Variants in APPBP2 observed in about 807,000 individuals in gnomAD.
APPBP2 encodes amyloid protein-binding protein 2.
Under a neutral mutation model 76.0 loss-of-function variants are expected in APPBP2, and 15 were observed. The observed-to-expected ratio is 0.20, with a 90% CI of 0.13 to 0.30. APPBP2 has a LOEUF of 0.30. Ranked by LOEUF, APPBP2 falls within the 10% of genes least tolerant of loss-of-function variation. The probability of loss-of-function intolerance (pLI) is 1.00; values close to 1 mark genes in which losing one functional copy is unlikely to be tolerated. For missense variants in APPBP2, 401 were observed against 687.2 expected, an observed-to-expected ratio of 0.58 and a Z score of 4.66; for synonymous variants, 222 against 242.2, an observed-to-expected ratio of 0.92 and a Z score of 0.77.
intron 4 of APPBP2, among the ~76,000 whole-genome samples, chr17:60,474,339 T>A (rs1183884499): frequency 6.6e-6 from 1 of 151,784 alleles, no homozygotes; most frequent in African/African-American, 2.4e-5. Context: ...GCCCAGTTAA[T>A]TTTTTTGTAT....
intron 3 of APPBP2, among the ~76,000 whole-genome samples, chr17:60,483,682 C>T (rs1044195861): frequency 1.1e-4 from 16 of 152,298 alleles, no homozygotes; most frequent in African/African-American, 3.1e-4. Context: ...CGTGAGCCAC[C>T]GCACCTAGCC....
chr17:60,473,184 G>C (rs990637944), intron 4 of APPBP2, among the ~76,000 whole-genome samples: 4 of 151,986 alleles, frequency 2.6e-5, no homozygotes, highest in Non-Finnish European at 5.9e-5. Flanking sequence ...TATCTAGCTT[G>C]GTCAAGTTTC....
At chr17:60,474,870 C>T (rs1275323232) in intron 4 of APPBP2, among the ~76,000 whole-genome samples, 3 of 152,010 alleles carry the variant, frequency 2.0e-5, no homozygotes, top group Non-Finnish European at 2.9e-5. Flanking sequence ...ATACTGTCTT[C>T]CCCTACCTTG....
In APPBP2 at chr17:60,449,549, C is replaced by T. The variant is rs992289898; in HGVS notation, c.1505-1715G>A. 5.9e-5 allele frequency among the ~76,000 whole-genome samples: 9 copies of T among 152,050 alleles called. No individual in the cohort carries two copies. The East Asian group carries it at 9.7e-4, about 16-fold the overall frequency. On this transcript the variant is annotated intron_variant, in intron 12 of 12. Transcript: ENST00000083182. ...AGGTGGAGGCTGCAGTGAGCTAAGA[C>T]CACGCCACTGCATACCAGCCTGGAC...
chr17:60,473,747 C>T (rs2090569820), intron 4 of APPBP2, among the ~76,000 whole-genome samples: 1 of 152,216 alleles, frequency 6.6e-6, no homozygotes, highest in Non-Finnish European at 1.5e-5. Flanking sequence ...CGCTTTTCCT[C>T]CTCACAATTT....
chr17:60,462,593 A>G (rs2090483191), intron 6 of APPBP2: 1 of 152,284 alleles, frequency 6.6e-6, no homozygotes, highest in Admixed American at 6.5e-5. Flanking sequence ...CTCAGTTGTT[A>G]TTTTGATCCA....
chr17:60,465,602 C>T (rs1051278266), intron 5 of APPBP2, among the ~76,000 whole-genome samples: 9 of 152,044 alleles, frequency 5.9e-5, no homozygotes, highest in African/African-American at 2.2e-4. Flanking sequence ...GGCATGGTGG[C>T]TCATGCCTGT....
intron 2 of APPBP2, among the ~76,000 whole-genome samples, chr17:60,497,994 C>A (rs940357718): frequency 6.6e-6 from 1 of 151,872 alleles, no homozygotes; most frequent in Non-Finnish European, 1.5e-5. Context: ...CAAAAAATTA[C>A]CCAGGCGTGG....
chr17:60,512,053 C>A (rs1188173987), intron 1 of APPBP2, among the ~76,000 whole-genome samples: 1 of 151,750 alleles, frequency 6.6e-6, no homozygotes, highest in African/African-American at 2.4e-5. Context: ...TTATTGAAGA[C>A]TTTTGGGTGT....
intron 1 of APPBP2, among the ~76,000 whole-genome samples, chr17:60,517,821 C>T (rs2090975150): frequency 1.3e-5 from 2 of 152,144 alleles, no homozygotes; most frequent in Admixed American, 1.3e-4. Context: ...CTTTCTTCAT[C>T]GTCATGATTA....
chr17:60,460,402 C>A, intron 9 of APPBP2: 1 of 214,524 alleles, frequency 4.7e-6, no homozygotes. Context: ...GTCTCAAACT[C>A]TTGGGCTCAA....
intron 4 of APPBP2, among the ~76,000 whole-genome samples, chr17:60,475,611 G>A (rs1451498995): frequency 6.7e-6 from 1 of 149,226 alleles, no homozygotes. Flanking sequence ...AAATTCAGCT[G>A]CCCAGGGTTC....
In APPBP2 at chr17:60,500,480, T is replaced by A; in HGVS notation, c.146A>T (p.Gln49Leu). 1 of 1,596,002 alleles carries A rather than the reference T, an allele frequency of 6.3e-7. No individual in the cohort carries two copies. Among genetic ancestry groups the A allele is most frequent in the Non-Finnish European group, 8.5e-7 (1 of 1,175,124 alleles). ...GCCCAGTTGACATAAGCGTCCCTGT[T>A]GGTAAAGCTGAAATAAAAAACAAAT... Reference protein sequence around the residue: ...IQFDVYYKLYQQGRLCQLGSE... With the variant: ...IQFDVYYKLYLQGRLCQLGSE... Residue 49 changes from glutamine (Q) to leucine (L), a missense_variant, in exon 2 of 13, where the codon CAA becomes CTA. By Grantham distance (113) the Gln-to-Leu change is moderately radical. Transcript: ENST00000083182.
chr17:60,483,133 G>C (rs2090644499), intron 3 of APPBP2, among the ~76,000 whole-genome samples: 1 of 152,152 alleles, frequency 6.6e-6, no homozygotes, highest in Admixed American at 6.5e-5. Flanking sequence ...ACTGGTGTGA[G>C]ATGGTATCTC....
intron 12 of APPBP2, among the ~76,000 whole-genome samples, 190 bp downstream of exon 12, chr17:60,451,690 G>C (rs918611000): frequency 1.3e-5 from 2 of 152,040 alleles, no homozygotes; most frequent in Admixed American, 1.3e-4. Flanking sequence ...TGTTGGCCAG[G>C]CTGGTCTCGA....
At position 60,494,505 on chromosome 17, in the gene APPBP2, C is replaced by A. The variant is rs200984674; in HGVS notation, c.340G>T (p.Ala114Ser). 3.3e-5 allele frequency: 53 copies of A among 1,610,684 alleles called. No individual in the cohort carries two copies. Among genetic ancestry groups the A allele is most frequent in the Non-Finnish European group, 3.7e-5 (44 of 1,179,422 alleles). ...RCSYIAESDA[A>S]VKEKAIQVGF... is the part of the protein sequence containing the mutation. ...ACCTGAATGGCTTTTTCCTTTACTGCAGCATCTGATTCTGCTATATAAGAG... is the reference window on the plus strand; with the variant it reads ...ACCTGAATGGCTTTTTCCTTTACTGAAGCATCTGATTCTGCTATATAAGAG... Residue 114 changes from alanine (A) to serine (S), a missense_variant, in exon 3 of 13, where the codon GCA becomes TCA. This residue lies in a region of APPBP2 where 149 missense variants were observed against 198.4 expected (regional missense o/e 0.75). Transcript: ENST00000083182.
In APPBP2 at chr17:60,462,043, C is replaced by G; in HGVS notation, c.781G>C (p.Glu261Gln). 6.2e-7 allele frequency: 1 copy of G among 1,613,410 alleles called. No homozygotes were observed. Residue 261 changes from glutamate to glutamine, a missense_variant, in exon 7 of 13, where the codon GAA becomes CAA. Coordinates refer to ENST00000083182, the MANE Select transcript of APPBP2 (RefSeq NM_006380.5). ...ATTAACTGTTCTGCCTTCTTAAATT[C>G]ACGTTTTACTACACAAGCCTAAAGA... ...QASKACVVKREFKKAEQLIKH... is the reference protein window; with the variant it reads ...QASKACVVKRQFKKAEQLIKH...
At position 60,494,502 on chromosome 17, in the gene APPBP2, C is replaced by T. The variant is rs1330785002; in HGVS notation, c.343G>A (p.Val115Ile). ...CCAACCTGAATGGCTTTTTCCTTTA[C>T]TGCAGCATCTGATTCTGCTATATAA... Reference protein sequence around the residue: ...CSYIAESDAAVKEKAIQVGFV... With the variant: ...CSYIAESDAAIKEKAIQVGFV... Residue 115 changes from valine (V) to isoleucine (I), a missense_variant, in exon 3 of 13, where the codon GTA becomes ATA. Val to Ile is a conservative substitution (Grantham distance 29). Transcript: ENST00000083182. 2.5e-6 allele frequency: 4 copies of T among 1,610,720 alleles called. No homozygotes were observed. Among genetic ancestry groups the T allele is most frequent in the Admixed American group, 1.7e-5 (1 of 58,754 alleles).
intron 1 of APPBP2, among the ~76,000 whole-genome samples, chr17:60,512,854 AG>A (rs2090926593): frequency 2.7e-5 from 4 of 147,130 alleles, no homozygotes; most frequent in African/African-American, 1.0e-4. Context: ...AAAAAAAAAA[AG>A]GAAAGGAAAA....
Sources: gnomAD v4.1 joint callset for allele counts (sites outside exome capture counted in the v4.1 genomes callset) on GRCh38, gnomAD v4.1.1 for gene constraint, gnomAD v4.1.1 regional missense constraint, MANE v1.5 for transcripts, NCBI Gene and HGNC (gene_info 2026-07-23, HGNC 2026-07-21) for gene names.